DOCK10: variants seen among roughly 807,000 people sequenced by gnomAD.
DOCK10 encodes the protein dedicator of cytokinesis 10.
DOCK10 carries 145 observed loss-of-function variants against 280.1 expected under a neutral mutation model. The observed-to-expected ratio is 0.52, with a 90% CI of 0.45 to 0.59. The LOEUF is 0.59. DOCK10 is among the 20% of genes least tolerant of loss of function. DOCK10 has a pLI of 0.00. For missense variants in DOCK10, 2,368 were observed against 2,651.7 expected (o/e 0.89, Z 2.35); for synonymous variants, 915 against 942.2 (o/e 0.97, Z 0.53).
At chr2:224,856,789 G>C (rs1238722477) in intron 15 of DOCK10, 71 bp downstream of exon 15, 18 of 1,386,324 alleles carry the variant, frequency 1.3e-5, no homozygotes, top group Non-Finnish European at 1.7e-5. Context: ...GAGATCCTCA[G>C]GTATTTATGA....
chr2:224,939,528 CAT>C (rs1702887678), intron 1 of DOCK10, among the ~76,000 whole-genome samples: 1 of 152,184 alleles, frequency 6.6e-6, no homozygotes, highest in African/African-American at 2.4e-5. Context: ...AACTAAATTA[CAT>C]GTCTCATTTA....
chr2:224,813,639 G>A (rs182663098), intron 31 of DOCK10, among the ~76,000 whole-genome samples: 108 of 152,304 alleles, frequency 7.1e-4, no homozygotes, highest in Non-Finnish European at 2.9e-5. Flanking sequence ...AGGGAGGTAT[G>A]ATTAATATAA....
At chr2:224,829,481 A>G (rs977789508) in intron 27 of DOCK10, among the ~76,000 whole-genome samples, 2 of 152,152 alleles carry the variant, frequency 1.3e-5, no homozygotes, top group Non-Finnish European at 2.9e-5. Context: ...ACCCCACCTC[A>G]TGCAGCATTG....
At chr2:225,001,597 C>T (rs1156851456) in intron 1 of DOCK10, among the ~76,000 whole-genome samples, 5 of 152,162 alleles carry the variant, frequency 3.3e-5, no homozygotes, top group African/African-American at 1.2e-4. Context: ...CAGTATACAA[C>T]AGACTTTCTA....
intron 2 of DOCK10, among the ~76,000 whole-genome samples, chr2:224,921,421 A>G (rs1701746855): frequency 6.6e-6 from 1 of 151,758 alleles, no homozygotes; most frequent in Non-Finnish European, 1.5e-5. Flanking sequence ...CCATAACAGT[A>G]ATCACATGGC....
intron 1 of DOCK10, among the ~76,000 whole-genome samples, chr2:224,943,620 T>C (rs1204016537): frequency 6.6e-6 from 1 of 152,202 alleles, no homozygotes; most frequent in East Asian, 1.9e-4. Flanking sequence ...AAAGAAGTTA[T>C]TGCTTTCTTC....
At chr2:224,931,926 A>C (rs1053259872) in intron 1 of DOCK10, among the ~76,000 whole-genome samples, 1 of 152,248 alleles carries the variant, frequency 6.6e-6, no homozygotes, top group Non-Finnish European at 1.5e-5. Context: ...CCCAAGGCTC[A>C]TGATACCCAG....
intron 11 of DOCK10, among the ~76,000 whole-genome samples, chr2:224,867,230 G>A (rs1311810760): frequency 6.6e-6 from 1 of 152,090 alleles, no homozygotes; most frequent in South Asian, 2.1e-4. Context: ...TTTAATATTG[G>A]TAAGTAGGTC....
In DOCK10 at chr2:224,892,778, T is replaced by C. The variant is rs553530652; in HGVS notation, c.416+3517A>G. Among the ~76,000 whole-genome samples, 20 of 152,374 alleles carry C rather than the reference T, an allele frequency of 1.3e-4. No homozygotes were observed. In the South Asian group the frequency reaches 4.1e-3, roughly 32 times the overall value. On this transcript the variant is annotated intron_variant, in intron 4 of 55. Coordinates refer to ENST00000258390, the MANE Select transcript of DOCK10 (RefSeq NM_014689.3). ...AGGCAGACAGTGCTTGGATCATTGC[T>C]GAGGCTTGAGGGCTACTGAAGATTC...
chr2:224,957,464 A>AT (rs202069474), intron 1 of DOCK10, among the ~76,000 whole-genome samples: 2,154 of 151,624 alleles, frequency 0.014, 54 homozygotes, highest in African/African-American at 0.049. Flanking sequence ...TTTCATTTTA[A>AT]TTTTTTTTGA....
intron 28 of DOCK10, among the ~76,000 whole-genome samples, chr2:224,821,929 A>G (rs1029165016): frequency 6.6e-6 from 1 of 152,162 alleles, no homozygotes; most frequent in Non-Finnish European, 1.5e-5. Flanking sequence ...CAGAGACAAA[A>G]CCTTGAAGAA....
intron 1 of DOCK10, among the ~76,000 whole-genome samples, chr2:224,994,178 G>T (rs1384549594): frequency 6.6e-6 from 1 of 152,168 alleles, no homozygotes; most frequent in Non-Finnish European, 1.5e-5. Flanking sequence ...AGCTAATGGT[G>T]ATATAAAGCT....
chr2:224,765,881 A>T (rs1690053177), intron 55 of DOCK10, 44 bp from the exon 56 acceptor site: 1 of 1,445,644 alleles, frequency 6.9e-7, no homozygotes, highest in Non-Finnish European at 9.6e-7. Flanking sequence ...GCAGAGGTTA[A>T]TGTTAATATC....
intron 1 of DOCK10, among the ~76,000 whole-genome samples, chr2:225,039,746 A>G (rs1309715476): frequency 6.6e-6 from 1 of 151,786 alleles, no homozygotes; most frequent in Non-Finnish European, 1.5e-5. Flanking sequence ...GAAGAAAACT[A>G]TCTTGTTAAC....
chr2:224,892,237 A>G (rs1699714684), intron 4 of DOCK10, among the ~76,000 whole-genome samples: 1 of 151,774 alleles, frequency 6.6e-6, no homozygotes, highest in Admixed American at 6.6e-5. Context: ...TCTCCACTAA[A>G]AACACAAAAA....
In DOCK10 at chr2:224,765,588, T is replaced by C. The variant is rs1309897053; in HGVS notation, c.*133A>G. ...GCAAATTCAGAGGTTGGCAAAATTC[T>C]GAAGCTAGCGAGGTAAACAAAAATA... On this transcript the variant is annotated 3_prime_UTR_variant, in exon 56 of 56. Coordinates refer to ENST00000258390, the MANE Select transcript of DOCK10 (RefSeq NM_014689.3). The C allele has an allele frequency of 3.3e-6, 2 of 607,576 alleles. No individual in the cohort carries two copies. Among genetic ancestry groups the C allele is most frequent in the Non-Finnish European group, 5.5e-6 (2 of 363,636 alleles). The allele number at this position is 607,576 out of a possible 1,614,324, so 37.6% of individuals were successfully genotyped here.
At chr2:224,995,505 T>C (rs529495446) in intron 1 of DOCK10, among the ~76,000 whole-genome samples, 31 of 152,356 alleles carry the variant, frequency 2.0e-4, no homozygotes, top group Non-Finnish European at 4.0e-4. Context: ...TAGTTGTTTC[T>C]GGGTCTTGAA....
chr2:224,778,416 T>A (rs17271504), intron 50 of DOCK10, 132 bp from the exon 51 acceptor site: 4 of 841,758 alleles, frequency 4.8e-6, no homozygotes, highest in Non-Finnish European at 7.8e-6. Context: ...TAACACCCTA[T>A]AAAATTCAAA....
At chr2:225,032,073 A>G (rs1690093222) in intron 1 of DOCK10, among the ~76,000 whole-genome samples, 1 of 152,186 alleles carries the variant, frequency 6.6e-6, no homozygotes, top group Non-Finnish European at 1.5e-5. Context: ...AGATATCTTA[A>G]TCAATAATCA....
Sources: gnomAD v4.1 joint callset for allele counts (sites outside exome capture counted in the v4.1 genomes callset) on GRCh38, gnomAD v4.1.1 for gene constraint, MANE v1.5 for transcripts, NCBI Gene and HGNC (gene_info 2026-07-23, HGNC 2026-07-21) for gene names.